The following THSD7A variants were observed in gnomAD, a reference collection of about 807,000 sequenced individuals.
THSD7A encodes thrombospondin type 1 domain containing 7A, also known as thrombospondin type-1 domain-containing protein 7A.
THSD7A carries 96 observed loss-of-function variants against 231.3 expected under a neutral mutation model. The observed-to-expected ratio is 0.41, with a 90% confidence interval of 0.35 to 0.49. The LOEUF (loss-of-function observed/expected upper bound fraction) is 0.49, where lower values mean the gene tolerates loss of function less well. Ranked by LOEUF, THSD7A falls within the 20% of genes least tolerant of loss-of-function variation. THSD7A has a pLI of 0.05. For synonymous variants in THSD7A, 940 were observed against 743.3 expected, an observed-to-expected ratio of 1.26 and a Z score of -4.30; for missense variants, 2,290 against 2,070.2, an observed-to-expected ratio of 1.11 and a Z score of -2.06.
At position 11,377,425 on chromosome 7, in the gene THSD7A, CA is replaced by C. The variant is rs1388197666; in HGVS notation, c.4802-769del. Among the ~76,000 whole-genome samples the C allele has an allele frequency of 6.6e-6, 1 of 151,988 alleles. No homozygotes were observed. Among genetic ancestry groups the C allele is most frequent in the Non-Finnish European group, 1.5e-5 (1 of 67,954 alleles). On this transcript the variant is annotated intron_variant, in intron 26 of 27. Transcript: ENST00000423059. The surrounding 1 kb of genome is among the most constrained non-coding windows in gnomAD (Gnocchi z 4.5). Reference sequence around the variant, plus strand: ...GGCTAATTTAATTTGATCCTCACATCAACATATATTTTCTGTTGCAATTAAA... The same window carrying C: ...GGCTAATTTAATTTGATCCTCACATCACATATATTTTCTGTTGCAATTAAA...
intron 1 of THSD7A, among the ~76,000 whole-genome samples, chr7:11,800,536 C>T (rs1304659386): frequency 6.6e-6 from 1 of 151,812 alleles, no homozygotes; most frequent in Non-Finnish European, 1.5e-5. Context: ...GCAACAAGAA[C>T]GAAACCCCAT....
At chr7:11,604,836 G>A (rs1780681743) in intron 2 of THSD7A, among the ~76,000 whole-genome samples, 1 of 152,076 alleles carries the variant, frequency 6.6e-6, no homozygotes, top group African/African-American at 2.4e-5. Context: ...GCAGACAGAT[G>A]CAGAAGTAAA....
chr7:11,474,703 C>A lies in THSD7A; in HGVS notation c.2018-135G>T, dbSNP rs928978933. On this transcript the variant is annotated intron_variant, in intron 7 of 27. Coordinates refer to ENST00000423059, the MANE Select transcript of THSD7A (RefSeq NM_015204.3). The surrounding 1 kb of genome is among the most constrained non-coding windows in gnomAD (Gnocchi z 4.1). ...CCCACATCAAGTTCATAAATACACG[C>A]AATATTTATGTGAGATGCTTCAAGG... The A allele has an allele frequency of 1.5e-6, 1 of 670,618 alleles. No homozygotes were observed. Among genetic ancestry groups the A allele is most frequent in the South Asian group, 2.1e-5 (1 of 48,032 alleles). The allele number at this position is 670,618 out of a possible 1,614,324, so 41.5% of individuals were successfully genotyped here.
chr7:11,719,637 C>T (rs1410325651), intron 1 of THSD7A, among the ~76,000 whole-genome samples: 1 of 151,592 alleles, frequency 6.6e-6, no homozygotes, highest in Admixed American at 6.6e-5. Context: ...TTTTTCTCCT[C>T]CTCAACTCCA....
chr7:11,775,463 T>C (rs940164937), intron 1 of THSD7A, among the ~76,000 whole-genome samples: 1 of 152,146 alleles, frequency 6.6e-6, no homozygotes, highest in Non-Finnish European at 1.5e-5. Context: ...GATGAATAAA[T>C]ATGGATAAAC....
intron 4 of THSD7A, among the ~76,000 whole-genome samples, chr7:11,562,223 G>C (rs1014706947): frequency 6.6e-6 from 1 of 151,834 alleles, no homozygotes; most frequent in African/African-American, 2.4e-5. Context: ...TTGTTCTAAG[G>C]CTCTCAAATG....
Position 11,637,789 on chromosome 7 carries a change from T to A in THSD7A, c.191-828A>T, listed in dbSNP as rs1400461217. Among the ~76,000 whole-genome samples the A allele has an allele frequency of 3.3e-5, 5 of 152,220 alleles. No individual in the cohort carries two copies. The highest frequency in any genetic ancestry group is 3.3e-4 in the Admixed American group (5 of 15,280). The stretch of plus-strand genomic sequence containing the variant: ...GCTTTAATATGAAATATGGGTTTTT[T>A]TCTGTGAAATCCTTCTTAGAATAAA... On this transcript the variant is annotated intron_variant, in intron 1 of 27. Transcript: ENST00000423059. This position sits in a 1 kb window ranked among gnomAD's most constrained non-coding sequence, Gnocchi z 4.2.
At chr7:11,489,647 A>T (rs1002402805) in intron 6 of THSD7A, among the ~76,000 whole-genome samples, 2 of 152,098 alleles carry the variant, frequency 1.3e-5, no homozygotes, top group African/African-American at 2.4e-5. Context: ...TTGCAAACTC[A>T]GGAATAACCC....
chr7:11,687,568 G>A (rs1442059921), intron 1 of THSD7A, among the ~76,000 whole-genome samples: 1 of 151,800 alleles, frequency 6.6e-6, no homozygotes, highest in Non-Finnish European at 1.5e-5. Context: ...AGGGAAATCA[G>A]GATAATATTT....
chr7:11,740,016 A>C (rs984213721), intron 1 of THSD7A, among the ~76,000 whole-genome samples: 2 of 151,978 alleles, frequency 1.3e-5, no homozygotes, highest in African/African-American at 4.8e-5. Context: ...CCATCTCCTG[A>C]CAGTCTGTCA....
chr7:11,379,326 T>G, intron 25 of THSD7A, 46 bp from the exon 26 acceptor site: 1 of 1,592,102 alleles, frequency 6.3e-7, no homozygotes, highest in Non-Finnish European at 8.6e-7. Flanking sequence ...AAGGAATCTT[T>G]GGAAGTCTAA....
intron 1 of THSD7A, among the ~76,000 whole-genome samples, chr7:11,704,693 G>A (rs1407945916): frequency 6.6e-6 from 1 of 150,904 alleles, no homozygotes; most frequent in African/African-American, 2.4e-5. Flanking sequence ...TGGGGTCCAC[G>A]AATTCCATGT....
chr7:11,378,889 CAT>C lies in THSD7A; in HGVS notation c.4801+179_4801+180del, dbSNP rs1319463539. On this transcript the variant is annotated intron_variant, in intron 26 of 27. Transcript: ENST00000423059. ...TAATTTCATTTCTCTGAACTTCAAACATGAGTTATTTTCCATAATGATAGTAA... is the reference window on the plus strand; with the variant it reads ...TAATTTCATTTCTCTGAACTTCAAACGAGTTATTTTCCATAATGATAGTAA... 4.9e-6 allele frequency: 3 copies of C among 616,136 alleles called. No individual in the cohort carries two copies. The African/African-American group carries it at 5.5e-5, about 11-fold the overall frequency. The allele number at this position is 616,136 out of a possible 1,614,324, so 38.2% of individuals were successfully genotyped here. A position where few individuals can be genotyped will look rare whatever the true frequency, so the allele number is the denominator to read the frequency against.
At chr7:11,593,183 T>G in intron 3 of THSD7A, 71 bp downstream of exon 3, 1 of 1,563,406 alleles carries the variant, frequency 6.4e-7, no homozygotes, top group Non-Finnish European at 8.7e-7. Context: ...CTTAGAGTAC[T>G]GTTCAGTCAA....
chr7:11,776,883 T>G (rs1348038499), intron 1 of THSD7A, among the ~76,000 whole-genome samples: 1 of 152,164 alleles, frequency 6.6e-6, no homozygotes, highest in East Asian at 1.9e-4. Flanking sequence ...TAGTATAAAT[T>G]TAAGGCATTT....
intron 1 of THSD7A, among the ~76,000 whole-genome samples, chr7:11,764,267 T>C (rs1782957120): frequency 6.6e-6 from 1 of 152,128 alleles, no homozygotes; most frequent in African/African-American, 2.4e-5. Context: ...ACAAATAGTC[T>C]ATAGTATAAA....
intron 6 of THSD7A, among the ~76,000 whole-genome samples, chr7:11,532,957 G>A (rs930526123): frequency 1.4e-4 from 22 of 152,124 alleles, no homozygotes; most frequent in African/African-American, 4.3e-4. Context: ...ACCAGAGAAA[G>A]ACTTACGTGA....
intron 13 of THSD7A, among the ~76,000 whole-genome samples, chr7:11,442,876 C>A (rs144322647): frequency 6.6e-6 from 1 of 152,012 alleles, no homozygotes; most frequent in African/African-American, 2.4e-5. Flanking sequence ...TTCGGAATCC[C>A]CACGAAGTCA....
intron 1 of THSD7A, among the ~76,000 whole-genome samples, chr7:11,829,491 C>A (rs1020072881): frequency 2.3e-4 from 35 of 152,096 alleles, no homozygotes; most frequent in African/African-American, 8.0e-4. Context: ...TGTCCCAGAT[C>A]TTCATCCAGT....
Sources: allele counts gnomAD v4.1 joint callset (sites outside exome capture counted in the v4.1 genomes callset), GRCh38; gene constraint gnomAD v4.1.1; non-coding constraint Gnocchi (gnomAD v3.1); transcripts MANE v1.5; gene names NCBI Gene and HGNC (gene_info 2026-07-23, HGNC 2026-07-21).